Variants in KCNIP4 observed in about 807,000 individuals in gnomAD.
KCNIP4 encodes potassium voltage-gated channel interacting protein 4.
In KCNIP4, 12 loss-of-function variants were observed where a neutral mutation model predicts 34.0. The ratio of observed to expected loss-of-function variants is 0.35; its 90% CI spans 0.23 to 0.57. KCNIP4 has a LOEUF of 0.57. KCNIP4 is among the 20% of genes least tolerant of loss of function. KCNIP4 has a pLI of 0.83. For missense variants in KCNIP4, 238 were observed against 311.7 expected, an observed-to-expected ratio of 0.76 and a Z score of 1.78; for synonymous variants, 124 against 102.2, an observed-to-expected ratio of 1.21 and a Z score of -1.29.
chr4:20,911,032 A>T (rs1447284186), intron 1 of KCNIP4, among the ~76,000 whole-genome samples: 1 of 152,172 alleles, frequency 6.6e-6, no homozygotes, highest in Non-Finnish European at 1.5e-5. Flanking sequence ...GAAAAAATAG[A>T]CTCCAGTGGA....
chr4:21,310,290 C>T (rs554654095), intron 1 of KCNIP4, among the ~76,000 whole-genome samples: 90 of 152,242 alleles, frequency 5.9e-4, no homozygotes, highest in African/African-American at 2.0e-3. Flanking sequence ...TCCGCCTCTG[C>T]CTCCCAAAGT....
chr4:21,517,620 C>A (rs183217440), intron 1 of KCNIP4, among the ~76,000 whole-genome samples: 1 of 152,036 alleles, frequency 6.6e-6, no homozygotes, highest in Non-Finnish European at 1.5e-5. Flanking sequence ...CTGCCTAATA[C>A]GAGTCATTAC....
intron 1 of KCNIP4, among the ~76,000 whole-genome samples, chr4:21,786,855 G>T (rs1298655311): frequency 6.6e-6 from 1 of 151,798 alleles, no homozygotes; most frequent in Non-Finnish European, 1.5e-5. Flanking sequence ...CTGAGCCACC[G>T]TGCCCCGCCG....
intron 3 of KCNIP4, among the ~76,000 whole-genome samples, chr4:20,783,665 G>A (rs1711543584): frequency 6.6e-6 from 1 of 152,108 alleles, no homozygotes; most frequent in Non-Finnish European, 1.5e-5. Context: ...ATGAGATTTG[G>A]GTGGAGACAC....
chr4:21,317,587 A>G (rs893858995), intron 1 of KCNIP4, among the ~76,000 whole-genome samples: 1 of 152,246 alleles, frequency 6.6e-6, no homozygotes, highest in Non-Finnish European at 1.5e-5. Context: ...GAAAGTGTGC[A>G]TATTTATCAA....
At chr4:21,239,202 T>C (rs1003451791) in intron 1 of KCNIP4, among the ~76,000 whole-genome samples, 2 of 149,690 alleles carry the variant, frequency 1.3e-5, no homozygotes, top group Non-Finnish European at 3.0e-5. Flanking sequence ...ATCCCTTCCT[T>C]ACACCTTATA....
intron 3 of KCNIP4, among the ~76,000 whole-genome samples, chr4:20,838,787 T>C (rs1000302898): frequency 1.3e-5 from 2 of 152,178 alleles, no homozygotes; most frequent in African/African-American, 4.8e-5. Context: ...CAACTATGAC[T>C]TGAAAGAAAA....
chr4:21,787,014 A>T (rs1560713929), intron 1 of KCNIP4, among the ~76,000 whole-genome samples: 1 of 152,210 alleles, frequency 6.6e-6, no homozygotes, highest in Non-Finnish European at 1.5e-5. Flanking sequence ...ATGTGTATAG[A>T]CAGTTTGAGC....
chr4:21,939,235 T>C (rs1165707981), intron 1 of KCNIP4, among the ~76,000 whole-genome samples: 3 of 152,192 alleles, frequency 2.0e-5, no homozygotes, highest in Admixed American at 1.3e-4. Flanking sequence ...ATTTTCAAAG[T>C]ACTTTTTAAT....
chr4:21,283,159 T>C (rs1331217886), intron 1 of KCNIP4, among the ~76,000 whole-genome samples: 1 of 152,172 alleles, frequency 6.6e-6, no homozygotes, highest in African/African-American at 2.4e-5. Flanking sequence ...GAAAGTAGAT[T>C]AGTAGTTGCC....
In KCNIP4 at chr4:21,048,051, A is replaced by C. The variant is rs181800323; in HGVS notation, c.62-165342T>G. Among the ~76,000 whole-genome samples, 50 of 152,328 alleles carry C rather than the reference A, an allele frequency of 3.3e-4. 1 individual carries two copies. The South Asian group carries it at 0.01, about 31-fold the overall frequency. On this transcript the variant is annotated intron_variant, in intron 1 of 8. Transcript: ENST00000382152. ...GCAACATTTCTTAATTCCCTGACCA[A>C]GCTGTCTACAACTGTGCACCTATCT...
At chr4:21,131,356 C>A (rs988609436) in intron 1 of KCNIP4, among the ~76,000 whole-genome samples, 1 of 152,182 alleles carries the variant, frequency 6.6e-6, no homozygotes, top group African/African-American at 2.4e-5. Flanking sequence ...AAAAAGCAAT[C>A]TCTTCTTTAG....
At chr4:21,593,447 T>G (rs1416924676) in intron 1 of KCNIP4, among the ~76,000 whole-genome samples, 1 of 152,080 alleles carries the variant, frequency 6.6e-6, no homozygotes, top group Non-Finnish European at 1.5e-5. Context: ...TCCTTTCTCA[T>G]CCTTAATTAG....
At chr4:21,479,504 T>A (rs745736690) in intron 1 of KCNIP4, among the ~76,000 whole-genome samples, 9 of 152,086 alleles carry the variant, frequency 5.9e-5, no homozygotes, top group Non-Finnish European at 5.9e-5. Context: ...GAGGACCACA[T>A]GAACAAAGGG....
At chr4:21,537,740 G>T (rs376001296) in intron 1 of KCNIP4, among the ~76,000 whole-genome samples, 1 of 152,002 alleles carries the variant, frequency 6.6e-6, no homozygotes, top group African/African-American at 2.4e-5. Context: ...TTGACCTGGC[G>T]CAGTAGCTCA....
intron 3 of KCNIP4, among the ~76,000 whole-genome samples, chr4:20,840,961 G>A (rs185006701): frequency 8.4e-4 from 128 of 152,278 alleles, no homozygotes; most frequent in South Asian, 1.5e-3. Context: ...ACCAGATGGC[G>A]ACTCTTGCAA....
chr4:21,313,022 A>T (rs1713357830), intron 1 of KCNIP4, among the ~76,000 whole-genome samples: 1 of 152,256 alleles, frequency 6.6e-6, no homozygotes, highest in African/African-American at 2.4e-5. Context: ...AATAAAAAGC[A>T]AAACAGCAGC....
intron 1 of KCNIP4, among the ~76,000 whole-genome samples, chr4:21,292,118 C>A (rs541049548): frequency 1.3e-5 from 2 of 152,130 alleles, no homozygotes; most frequent in African/African-American, 2.4e-5. Flanking sequence ...GCATTTTCAA[C>A]ATAATAAATA....
At chr4:21,216,030 A>G (rs1209690320) in intron 1 of KCNIP4, among the ~76,000 whole-genome samples, 1 of 152,116 alleles carries the variant, frequency 6.6e-6, no homozygotes, top group Non-Finnish European at 1.5e-5. Context: ...GAATCAAGCA[A>G]TCCTCCAGCC....
Sources: gnomAD v4.1 joint callset for allele counts (sites outside exome capture counted in the v4.1 genomes callset) on GRCh38, gnomAD v4.1.1 for gene constraint, MANE v1.5 for transcripts, NCBI Gene and HGNC (gene_info 2026-07-23, HGNC 2026-07-21) for gene names.